Variants in DNM3 observed in about 807,000 individuals in gnomAD.
DNM3 encodes dynamin 3.
In DNM3, 47 loss-of-function variants were observed where a neutral mutation model predicts 101.6. That is an observed-to-expected ratio of 0.46 (90% CI 0.37 to 0.59). The LOEUF is 0.59. Among genes scored for constraint, DNM3 ranks in the 20% least tolerant of loss-of-function variants. The probability of loss-of-function intolerance (pLI) is 0.00; values close to 1 mark genes in which losing one functional copy is unlikely to be tolerated. For synonymous variants in DNM3, 385 were observed against 387.9 expected (o/e 0.99, Z 0.09); for missense variants, 849 against 1,085.7 (o/e 0.78, Z 3.06).
At chr1:172,200,123 T>A (rs2060099740) in intron 14 of DNM3, among the ~76,000 whole-genome samples, 1 of 152,132 alleles carries the variant, frequency 6.6e-6, no homozygotes. Flanking sequence ...TCCCTCAACA[T>A]TTTCTTATCT....
chr1:172,010,162 A>G (rs185171577), intron 4 of DNM3, among the ~76,000 whole-genome samples: 3 of 152,032 alleles, frequency 2.0e-5, no homozygotes, highest in Non-Finnish European at 2.9e-5. Context: ...AACACATGCT[A>G]TGTTTTCTGC....
Position 171,924,896 on chromosome 1 carries a change from CTT to C in DNM3, c.235+3084_235+3085del, listed in dbSNP as rs200557212. ...ATTGTCTGTTCCTGTCCTTTGCCCA[CTT>C]TTTTTTTTCCCCCTTTTTGAGATGG... On this transcript the variant is annotated intron_variant, in intron 2 of 20. Coordinates refer to ENST00000627582, the MANE Select transcript of DNM3 (RefSeq NM_015569.5). Among the ~76,000 whole-genome samples, 99 of 149,898 alleles carry C rather than the reference CTT, an allele frequency of 6.6e-4. No homozygotes were observed. The Middle Eastern group carries it at 0.017, about 26-fold the overall frequency.
At chr1:172,016,046 G>A (rs1343385137) in intron 4 of DNM3, among the ~76,000 whole-genome samples, 1 of 151,718 alleles carries the variant, frequency 6.6e-6, no homozygotes, top group African/African-American at 2.4e-5. Context: ...AATTAGCCAG[G>A]CATGGTGCTG....
At chr1:172,350,621 G>A (rs1415914430) in intron 17 of DNM3, among the ~76,000 whole-genome samples, 1 of 152,130 alleles carries the variant, frequency 6.6e-6, no homozygotes, top group African/African-American at 2.4e-5. Flanking sequence ...GAATATCAGA[G>A]CCTGGGGTAT....
chr1:172,413,629 AAG>A (rs1391157068), downstream of DNM3, among the ~76,000 whole-genome samples: 2 of 152,226 alleles, frequency 1.3e-5, no homozygotes, highest in Non-Finnish European at 2.9e-5. Flanking sequence ...TCTCTATTAC[AAG>A]AGTTTTGATG....
chr1:172,213,330 T>C (rs1299269902), intron 14 of DNM3, among the ~76,000 whole-genome samples: 1 of 152,046 alleles, frequency 6.6e-6, no homozygotes, highest in Non-Finnish European at 1.5e-5. Flanking sequence ...GCATGGTTAA[T>C]TAAAAAGCAT....
intron 15 of DNM3, among the ~76,000 whole-genome samples, 177 bp from the exon 16 acceptor site, chr1:172,308,551 A>G (rs2064945064): frequency 6.6e-6 from 1 of 151,100 alleles, no homozygotes; most frequent in African/African-American, 2.5e-5. Context: ...TATATTGTAA[A>G]TACATGTAGA....
intron 17 of DNM3, among the ~76,000 whole-genome samples, chr1:172,325,748 C>T (rs1177148646): frequency 6.6e-6 from 1 of 152,114 alleles, no homozygotes. Context: ...TGAATTGTTG[C>T]CTGCCATATA....
At chr1:172,192,285 G>A (rs1220380213) in intron 14 of DNM3, among the ~76,000 whole-genome samples, 7 of 151,852 alleles carry the variant, frequency 4.6e-5, no homozygotes, top group Non-Finnish European at 8.8e-5. Context: ...CTGTTTATAT[G>A]ATGGATTACA....
At chr1:172,051,917 A>G (rs1169946558) in intron 10 of DNM3, among the ~76,000 whole-genome samples, 2 of 152,190 alleles carry the variant, frequency 1.3e-5, no homozygotes, top group Non-Finnish European at 2.9e-5. Flanking sequence ...CAGGCTTCTG[A>G]AGAGCTTGGA....
At chr1:172,172,666 C>T (rs1400078963) in intron 14 of DNM3, among the ~76,000 whole-genome samples, 1 of 151,580 alleles carries the variant, frequency 6.6e-6, no homozygotes, top group Non-Finnish European at 1.5e-5. Flanking sequence ...GGTCATGTGA[C>T]CAATAGAGAA....
intron 2 of DNM3, among the ~76,000 whole-genome samples, chr1:171,954,839 A>T (rs750873716): frequency 4.6e-5 from 7 of 152,234 alleles, no homozygotes; most frequent in African/African-American, 2.4e-5. Flanking sequence ...ACATTGTGTT[A>T]TGCAATTTTT....
chr1:172,401,097 C>T (rs530645530), intron 20 of DNM3, among the ~76,000 whole-genome samples: 6 of 152,278 alleles, frequency 3.9e-5, no homozygotes, highest in African/African-American at 1.4e-4. Flanking sequence ...GTACCTAGTA[C>T]ATAAGTAGGG....
chr1:171,947,033 A>C (rs1468964536), intron 2 of DNM3, among the ~76,000 whole-genome samples: 1 of 152,218 alleles, frequency 6.6e-6, no homozygotes, highest in Non-Finnish European at 1.5e-5. Context: ...TGGTGGGACC[A>C]AACAAACGAT....
chr1:172,008,914 TAAA>T (rs1333003167), intron 4 of DNM3, among the ~76,000 whole-genome samples: 12 of 138,734 alleles, frequency 8.6e-5, no homozygotes, highest in Non-Finnish European at 1.5e-4. Flanking sequence ...TATATCATAT[TAAA>T]TATTATATTA....
intron 1 of DNM3, among the ~76,000 whole-genome samples, chr1:171,869,027 C>T (rs1294434731): frequency 6.6e-6 from 1 of 152,212 alleles, no homozygotes; most frequent in Non-Finnish European, 1.5e-5. Context: ...AGGTGATCCG[C>T]CTGCCTCAGC....
chr1:172,039,858 C>T (rs1383731840), intron 7 of DNM3, among the ~76,000 whole-genome samples: 2 of 152,172 alleles, frequency 1.3e-5, no homozygotes, highest in East Asian at 3.9e-4. Flanking sequence ...TAATAAGATT[C>T]TTGCCCTCAA....
At chr1:172,350,336 GTGTGTGTGTT>G (rs2067145699) in intron 17 of DNM3, among the ~76,000 whole-genome samples, 3 of 151,958 alleles carry the variant, frequency 2.0e-5, no homozygotes, top group Non-Finnish European at 4.4e-5. Context: ...GTGTGTGTGT[GTGTGTGTGTT>G]TGTGTGTCTT....
intron 17 of DNM3, among the ~76,000 whole-genome samples, chr1:172,334,975 A>C (rs1357958956): frequency 6.6e-6 from 1 of 152,210 alleles, no homozygotes; most frequent in South Asian, 2.1e-4. Context: ...TCTGTATTTG[A>C]GCAAGAGAAC....
Sources: allele counts gnomAD v4.1 joint callset (sites outside exome capture counted in the v4.1 genomes callset), GRCh38; gene constraint gnomAD v4.1.1; transcripts MANE v1.5; gene names NCBI Gene and HGNC (gene_info 2026-07-23, HGNC 2026-07-21).